The following TCF7L2 variants were observed in gnomAD, a reference collection of about 807,000 sequenced individuals.
TCF7L2 encodes transcription factor 7-like 2.
A neutral mutation model predicts 77.9 loss-of-function variants in TCF7L2; 23 were observed. That is an observed-to-expected ratio of 0.30 (90% confidence interval 0.21 to 0.42). The LOEUF is 0.42. TCF7L2 is among the 10% of genes least tolerant of loss of function. The pLI is 1.00. For missense variants in TCF7L2, 654 were observed against 793.1 expected, an observed-to-expected ratio of 0.82 and a Z score of 2.11; for synonymous variants, 413 against 340.2, an observed-to-expected ratio of 1.21 and a Z score of -2.36.
intron 4 of TCF7L2, among the ~76,000 whole-genome samples, chr10:113,039,771 C>T (rs1374024476): frequency 6.6e-6 from 1 of 151,890 alleles, no homozygotes; most frequent in Non-Finnish European, 1.5e-5. Flanking sequence ...TCTGAAGCTA[C>T]CCTGTACTTT....
At chr10:113,036,192 A>G (rs1242810214) in intron 4 of TCF7L2, among the ~76,000 whole-genome samples, 1 of 151,702 alleles carries the variant, frequency 6.6e-6, no homozygotes, top group African/African-American at 2.4e-5. Context: ...GCTTGTTTAG[A>G]AAAGAAATTT....
At chr10:113,063,537 G>A (rs1014373430) in intron 5 of TCF7L2, among the ~76,000 whole-genome samples, 8 of 152,050 alleles carry the variant, frequency 5.3e-5, no homozygotes, top group South Asian at 2.1e-4. Flanking sequence ...AGAGGAGAGC[G>A]GGAGATGGGA....
At chr10:113,106,410 T>TC (rs1384339183) in intron 5 of TCF7L2, among the ~76,000 whole-genome samples, 1 of 152,208 alleles carries the variant, frequency 6.6e-6, no homozygotes, top group East Asian at 1.9e-4. Context: ...CTCGGCCACC[T>TC]CCGATTCAAG....
intron 5 of TCF7L2, among the ~76,000 whole-genome samples, chr10:113,045,367 C>T (rs2134391144): frequency 6.6e-6 from 1 of 152,282 alleles, no homozygotes; most frequent in Middle Eastern, 3.4e-3. Context: ...GGATGTGAAA[C>T]AAGGCACCCT....
chr10:113,160,750 T>G (rs1379620151), intron 13 of TCF7L2: 5 of 1,457,664 alleles, frequency 3.4e-6, no homozygotes, highest in Non-Finnish European at 4.7e-6. Flanking sequence ...TCCGGTACCT[T>G]AGCGTGATAA....
intron 4 of TCF7L2, among the ~76,000 whole-genome samples, chr10:112,997,313 T>A (rs533578758): frequency 7.2e-5 from 11 of 152,348 alleles, no homozygotes; most frequent in Non-Finnish European, 1.3e-4. Context: ...AAAGTTTGCT[T>A]GTCTTGATTG....
intron 4 of TCF7L2, among the ~76,000 whole-genome samples, chr10:113,012,152 T>C (rs768625594): frequency 6.6e-6 from 1 of 152,214 alleles, no homozygotes; most frequent in Non-Finnish European, 1.5e-5. Flanking sequence ...TTTAAAATTC[T>C]AACGCCCAGG....
intron 5 of TCF7L2, among the ~76,000 whole-genome samples, chr10:113,058,378 AAG>A (rs1476557714): frequency 2.0e-5 from 3 of 152,132 alleles, no homozygotes; most frequent in Non-Finnish European, 4.4e-5. Flanking sequence ...ATTCTAAACA[AAG>A]AGTCTGCAAT....
intron 6 of TCF7L2, 138 bp downstream of exon 6, chr10:113,141,454 T>C (rs1303186430): frequency 4.0e-6 from 5 of 1,249,642 alleles, no homozygotes; most frequent in Non-Finnish European, 5.4e-6. Context: ...CCCTGTTGCT[T>C]TTCTGGGTGT....
intron 4 of TCF7L2, 117 bp downstream of exon 4, chr10:112,964,741 G>GAT: frequency 2.3e-6 from 2 of 855,832 alleles, no homozygotes; most frequent in Non-Finnish European, 3.6e-6. Context: ...TGATGATGAT[G>GAT]GTGGTGGTGG....
intron 4 of TCF7L2, among the ~76,000 whole-genome samples, chr10:113,021,192 G>T (rs1326846342): frequency 6.6e-6 from 1 of 152,162 alleles, no homozygotes. Context: ...TGTGACCTTG[G>T]GCGGGTTGCC....
Position 113,040,266 on chromosome 10 carries a change from T to G in TCF7L2, c.552+140T>G, listed in dbSNP as rs1259341158. 4 of 732,912 alleles carry G rather than the reference T, an allele frequency of 5.5e-6. No individual in the cohort carries two copies. The East Asian group carries it at 8.3e-5, about 15-fold the overall frequency. 45.4% of individuals were successfully genotyped at this position (732,912 alleles called of 1,614,324 possible). A position where few individuals can be genotyped will look rare whatever the true frequency, so the allele number is the denominator to read the frequency against. The stretch of plus-strand genomic sequence containing the variant: ...CTTTGGAAATATTGTTGGGTATAGT[T>G]TATATCTATAAGGTATTCATTTTCT... On this transcript the variant is annotated intron_variant, in intron 5 of 13. Transcript: ENST00000627217.
At chr10:113,002,983 C>T (rs1433504166) in intron 4 of TCF7L2, among the ~76,000 whole-genome samples, 1 of 151,628 alleles carries the variant, frequency 6.6e-6, no homozygotes, top group Non-Finnish European at 1.5e-5. Flanking sequence ...TGTATGCACA[C>T]AAAAATAAAA....
chr10:113,075,702 A>T (rs1011678592), intron 5 of TCF7L2, among the ~76,000 whole-genome samples: 1 of 152,152 alleles, frequency 6.6e-6, no homozygotes, highest in East Asian at 1.9e-4. Context: ...TGTGAGCTGA[A>T]TTTTGTTTGC....
chr10:113,095,456 G>A (rs1281884339), intron 5 of TCF7L2, among the ~76,000 whole-genome samples: 1 of 152,114 alleles, frequency 6.6e-6, no homozygotes, highest in African/African-American at 2.4e-5. Flanking sequence ...TAGGCTAAAT[G>A]AGCGGACAAA....
intron 5 of TCF7L2, among the ~76,000 whole-genome samples, chr10:113,100,873 C>T (rs1339790267): frequency 6.6e-6 from 1 of 151,932 alleles, no homozygotes; most frequent in African/African-American, 2.4e-5. Context: ...GTCGGGAGTT[C>T]GAGACCAGCC....
intron 5 of TCF7L2, among the ~76,000 whole-genome samples, chr10:113,052,769 G>A (rs2054686515): frequency 1.3e-5 from 2 of 152,190 alleles, no homozygotes; most frequent in South Asian, 2.1e-4. Context: ...GATTGCAGCG[G>A]ATCTAGTCGT....
chr10:113,044,182 G>T (rs1361844379), intron 5 of TCF7L2, among the ~76,000 whole-genome samples: 6 of 152,178 alleles, frequency 3.9e-5, no homozygotes, highest in Non-Finnish European at 8.8e-5. Context: ...AAGCCTGCCA[G>T]ACTGTGGTGG....
chr10:113,084,320 T>G (rs934135266), intron 5 of TCF7L2, among the ~76,000 whole-genome samples: 1 of 152,286 alleles, frequency 6.6e-6, no homozygotes, highest in East Asian at 1.9e-4. Flanking sequence ...CTGGTAGAAC[T>G]GATGGTGTAA....
Sources: allele counts gnomAD v4.1 joint callset (sites outside exome capture counted in the v4.1 genomes callset), GRCh38; gene constraint gnomAD v4.1.1; transcripts MANE v1.5; gene names NCBI Gene and HGNC (gene_info 2026-07-23, HGNC 2026-07-21).